The following PGM2L1 variants were observed in gnomAD, a reference collection of about 807,000 sequenced individuals.
PGM2L1 encodes phosphoglucomutase 2 like 1.
In PGM2L1, 35 loss-of-function variants were observed where a neutral mutation model predicts 73.4. That is an observed-to-expected ratio of 0.48 (90% CI 0.36 to 0.63). The LOEUF (loss-of-function observed/expected upper bound fraction) is 0.63, where lower values mean the gene tolerates loss of function less well. Ranked by LOEUF, PGM2L1 falls within the 30% of genes least tolerant of loss-of-function variation. The pLI is 0.00. For synonymous variants in PGM2L1, 225 were observed against 253.8 expected (o/e 0.89, Z 1.08); for missense variants, 570 against 742.0 (o/e 0.77, Z 2.69).
At chr11:74,357,477 T>C (rs1722188373) in intron 5 of PGM2L1, among the ~76,000 whole-genome samples, 1 of 152,170 alleles carries the variant, frequency 6.6e-6, no homozygotes, top group South Asian at 2.1e-4. Context: ...AACAATGAGA[T>C]ACTACTGCAC....
chr11:74,354,109 G>A (rs570502735), intron 5 of PGM2L1, among the ~76,000 whole-genome samples: 2 of 152,088 alleles, frequency 1.3e-5, no homozygotes, highest in South Asian at 4.2e-4. Flanking sequence ...CCATGCTTGA[G>A]GGTAAGGCCA....
At chr11:74,342,732 T>C in intron 11 of PGM2L1, 82 bp from the exon 12 acceptor site, 6 of 1,380,560 alleles carry the variant, frequency 4.3e-6, no homozygotes, top group Non-Finnish European at 9.8e-7. Flanking sequence ...CAGCCTACTA[T>C]GGTATTTTAT....
intron 12 of PGM2L1, among the ~76,000 whole-genome samples, chr11:74,340,102 A>G (rs1221811506): frequency 6.6e-6 from 1 of 152,226 alleles, no homozygotes. Flanking sequence ...GGACTCTGAT[A>G]AGTGAATATA....
chr11:74,374,503 C>A lies in PGM2L1; in HGVS notation c.191G>T (p.Arg64Leu). 1 of 1,614,122 alleles carries A rather than the reference C, an allele frequency of 6.2e-7. No individual in the cohort carries two copies. The highest frequency in any genetic ancestry group is 8.5e-7 in the Non-Finnish European group (1 of 1,179,976). The change falls in exon 2 of 14, where the codon CGA (arginine) becomes CTA (leucine). Residue 64 changes from arginine (R) to leucine (L), a missense_variant. Physicochemically the swap from Arg to Leu is moderately radical, Grantham distance 102. Coordinates refer to ENST00000298198, the MANE Select transcript of PGM2L1 (RefSeq NM_173582.6). ...NKELRDRLCCRMTFGTAGLRS... is the reference protein window; with the variant it reads ...NKELRDRLCCLMTFGTAGLRS... ...AAGTCCTGCAGTCCCAAAAGTCATTCGGCAACAAAGACGATCTCGCAGCTC... is the reference window on the plus strand; with the variant it reads ...AAGTCCTGCAGTCCCAAAAGTCATTAGGCAACAAAGACGATCTCGCAGCTC...
rs142922579 is a variant in PGM2L1 at position 74,346,693 on chromosome 11, A to G, written c.1037+39T>C. ...TAAGACTTAAAATACATTGCTTTTC[A>G]AAGTTCAAGCTTTTAATCAAATAAC... On this transcript the variant is annotated intron_variant, in intron 8 of 13. Transcript: ENST00000298198. The G allele has an allele frequency of 4.4e-5, 67 of 1,510,162 alleles. 1 individual carries two copies. In the East Asian group the frequency reaches 1.5e-3, roughly 34 times the overall value. 93.5% of individuals were successfully genotyped at this position (1,510,162 alleles called of 1,614,324 possible).
At chr11:74,387,604 C>G (rs1863035751) in intron 1 of PGM2L1, among the ~76,000 whole-genome samples, 1 of 152,054 alleles carries the variant, frequency 6.6e-6, no homozygotes, top group Non-Finnish European at 1.5e-5. Flanking sequence ...TTTTATGATT[C>G]TACTGTGCCC....
At position 74,332,332 on chromosome 11, in the gene PGM2L1, A is replaced by G. The variant is rs1248299213; in HGVS notation, c.*4320T>C. ...GTAAAAGGCCGTAATAAATTAACAT[A>G]TAGCAGTATGCAGACAGATCAAAAC... On this transcript the variant is annotated 3_prime_UTR_variant, in exon 14 of 14. Transcript: ENST00000298198. The G allele has an allele frequency of 6.6e-6, 1 of 152,252 alleles. No individual in the cohort carries two copies. The highest frequency in any genetic ancestry group is 1.5e-5 in the Non-Finnish European group (1 of 68,054). The allele number at this position is 152,252 out of a possible 1,614,324, so 9.4% of individuals were successfully genotyped here. A position where few individuals can be genotyped will look rare whatever the true frequency, so the allele number is the denominator to read the frequency against.
intron 5 of PGM2L1, among the ~76,000 whole-genome samples, chr11:74,362,565 G>C (rs1405356309): frequency 1.3e-5 from 2 of 152,096 alleles, no homozygotes; most frequent in East Asian, 3.9e-4. Flanking sequence ...AATGTAAATG[G>C]GCTAAATGCT....
intron 8 of PGM2L1, 83 bp downstream of exon 8, chr11:74,346,649 A>T: frequency 9.5e-7 from 1 of 1,049,606 alleles, no homozygotes; most frequent in Non-Finnish European, 1.4e-6. Flanking sequence ...TTATCTTTTC[A>T]TTATTTTCAA....
In PGM2L1 at chr11:74,337,322, C is replaced by A. The variant is rs560427799; in HGVS notation, c.1767-568G>T. Among the ~76,000 whole-genome samples, 8 of 152,334 alleles carry A rather than the reference C, an allele frequency of 5.3e-5. No individual in the cohort carries two copies. In the East Asian group the frequency reaches 1.5e-3, roughly 29 times the overall value. The stretch of plus-strand genomic sequence containing the variant: ...TTAAAAGCTACACAACAAATCAGTT[C>A]TTATTACTTTAATAATCTTCCTTCA... On this transcript the variant is annotated intron_variant, in intron 13 of 13. Coordinates refer to ENST00000298198, the MANE Select transcript of PGM2L1 (RefSeq NM_173582.6).
intron 1 of PGM2L1, among the ~76,000 whole-genome samples, chr11:74,377,278 C>T (rs189763223): frequency 0.022 from 3,345 of 151,996 alleles, 74 homozygotes; most frequent in Admixed American, 0.029. Flanking sequence ...GGACTACAGG[C>T]GCCCGCCACC....
rs147162668 is a variant in PGM2L1 at position 74,330,873 on chromosome 11, C to G, written c.*5779G>C. On this transcript the variant is annotated 3_prime_UTR_variant, in exon 14 of 14. Coordinates refer to ENST00000298198, the MANE Select transcript of PGM2L1 (RefSeq NM_173582.6). The stretch of plus-strand genomic sequence containing the variant: ...AATTTCCACAGAGAGATATGCTTTG[C>G]TCTCTCCAAAGAAACTGAGTATTTA... 1 of 152,306 alleles carries G rather than the reference C, an allele frequency of 6.6e-6. No homozygotes were observed. The highest frequency in any genetic ancestry group is 1.9e-4 in the East Asian group (1 of 5,182). The allele number at this position is 152,306 out of a possible 1,614,324, so 9.4% of individuals were successfully genotyped here. A position where few individuals can be genotyped will look rare whatever the true frequency, so the allele number is the denominator to read the frequency against.
At position 74,345,648 on chromosome 11, in the gene PGM2L1, C is replaced by T; in HGVS notation, c.1039G>A (p.Gly347Ser). Residue 347 changes from glycine to serine, a missense_variant and splice_region_variant, in exon 9 of 14, where the codon GGT becomes AGT. Physicochemically the swap from Gly to Ser is moderately conservative, Grantham distance 56 (BLOSUM62 0). Transcript: ENST00000298198. ...TTCCCTGTGAAAACTTTCCAACAACCACTGTAGAGAGAAGGAAAATACAAT... is the reference window on the plus strand; with the variant it reads ...TTCCCTGTGAAAACTTTCCAACAACTACTGTAGAGAGAAGGAAAATACAAT... ...RLAAAELQEN[G>S]CWKVFTGNEL... The T allele has an allele frequency of 1.2e-6, 2 of 1,612,922 alleles. No homozygotes were observed. Among genetic ancestry groups the T allele is most frequent in the Non-Finnish European group, 1.7e-6 (2 of 1,179,248 alleles).
At chr11:74,364,346 T>C (rs1246027747) in intron 5 of PGM2L1, among the ~76,000 whole-genome samples, 2 of 152,152 alleles carry the variant, frequency 1.3e-5, no homozygotes, top group Non-Finnish European at 2.9e-5. Context: ...TTCAACATAG[T>C]GTTGGAAGTT....
At chr11:74,349,330 T>C (rs944843072) in intron 6 of PGM2L1, among the ~76,000 whole-genome samples, 1 of 152,238 alleles carries the variant, frequency 6.6e-6, no homozygotes, top group South Asian at 2.1e-4. Context: ...ACTGCTTTTT[T>C]AGTATTACTA....
At position 74,383,824 on chromosome 11, in the gene PGM2L1, A is replaced by AATAAATATATATATATATATATAT. The variant is rs61026077; in HGVS notation, c.112-9243_112-9242insATATATATATATATATATATTTAT. ...AGTATTCTATGGAGATATATAAATA[A>AATAAATATATATATATATATATAT]ATATATATATATATATATAACATTT... is the stretch of plus-strand genomic sequence containing the variant. On this transcript the variant is annotated intron_variant, in intron 1 of 13. Coordinates refer to ENST00000298198, the MANE Select transcript of PGM2L1 (RefSeq NM_173582.6). Among the ~76,000 whole-genome samples, 186 of 121,794 alleles carry AATAAATATATATATATATATATAT rather than the reference A, an allele frequency of 1.5e-3. 4 individuals carry two copies. Among genetic ancestry groups the AATAAATATATATATATATATATAT allele is most frequent in the African/African-American group, 5.8e-3 (166 of 28,694 alleles). 79.9% of individuals were successfully genotyped at this position (121,794 alleles called of 152,430 possible).
rs1464083019 is a variant in PGM2L1, at chr11:74,351,593, T to C, written c.556-17A>G. 6.4e-7 allele frequency: 1 copy of C among 1,565,690 alleles called. No homozygotes were observed. Among genetic ancestry groups the C allele is most frequent in the African/African-American group, 1.4e-5 (1 of 72,664 alleles). On this transcript the variant is annotated splice_polypyrimidine_tract_variant and intron_variant, in intron 5 of 13. Transcript: ENST00000298198. Reference sequence around the variant, plus strand: ...CCAGTAAACCTAGATGATAAGTAAATATAACCATAATTACTTAAAATGCTT... The same window carrying C: ...CCAGTAAACCTAGATGATAAGTAAACATAACCATAATTACTTAAAATGCTT...
intron 2 of PGM2L1, among the ~76,000 whole-genome samples, chr11:74,373,023 A>G (rs1264896471): frequency 2.5e-5 from 3 of 118,888 alleles, no homozygotes; most frequent in East Asian, 2.7e-4. Context: ...AGTTTTTGCC[A>G]TTAAAAAAAA....
At chr11:74,352,290 A>G (rs946218913) in intron 5 of PGM2L1, among the ~76,000 whole-genome samples, 1 of 152,160 alleles carries the variant, frequency 6.6e-6, no homozygotes, top group Non-Finnish European at 1.5e-5. Context: ...ACTTGATACT[A>G]TTTAACTTAA....
Sources: allele counts gnomAD v4.1 joint callset (sites outside exome capture counted in the v4.1 genomes callset), GRCh38; gene constraint gnomAD v4.1.1; transcripts MANE v1.5; gene names NCBI Gene and HGNC (gene_info 2026-07-23, HGNC 2026-07-21).